DYNC2H1: variants seen among roughly 807,000 people sequenced by gnomAD.
The protein encoded by DYNC2H1 is dynein cytoplasmic 2 heavy chain 1, also known as cytoplasmic dynein 2 heavy chain 1.
A neutral mutation model predicts 570.0 loss-of-function variants in DYNC2H1; 410 were observed. That is an observed-to-expected ratio of 0.72 (90% confidence interval 0.66 to 0.78). The LOEUF (loss-of-function observed/expected upper bound fraction) is 0.78, where lower values mean the gene tolerates loss of function less well. Ranked by LOEUF, DYNC2H1 falls within the 30% of genes least tolerant of loss-of-function variation. The probability of loss-of-function intolerance (pLI) is 0.00; values close to 1 mark genes in which losing one functional copy is unlikely to be tolerated. For missense variants in DYNC2H1, 4,865 were observed against 5,046.4 expected (o/e 0.96, Z 1.09); for synonymous variants, 1,688 against 1,677.6 (o/e 1.01, Z -0.15).
chr11:103,290,792 C>T lies in DYNC2H1; in HGVS notation c.11095+3187C>T, dbSNP rs972185352. ...TTTCTGCATGTGTGTTGTCCTTAGT[C>T]TCAAGGGTTCATAATATTCTGGTTG... On this transcript the variant is annotated intron_variant, in intron 75 of 88. Coordinates refer to ENST00000375735, the MANE Select transcript of DYNC2H1 (RefSeq NM_001377.3). Among the ~76,000 whole-genome samples the T allele has an allele frequency of 2.0e-5, 3 of 152,194 alleles. No homozygotes were observed. The East Asian group carries it at 5.8e-4, about 29-fold the overall frequency.
chr11:103,111,931 G>A (rs1858134789), intron 1 of DYNC2H1, among the ~76,000 whole-genome samples: 1 of 152,164 alleles, frequency 6.6e-6, no homozygotes, highest in Non-Finnish European at 1.5e-5. Context: ...TCTTAAAGGA[G>A]TAACATTGGA....
At chr11:103,389,010 G>A (rs1042244474) in intron 83 of DYNC2H1, among the ~76,000 whole-genome samples, 7 of 152,166 alleles carry the variant, frequency 4.6e-5, no homozygotes, top group African/African-American at 1.7e-4. Flanking sequence ...GATGATGCTG[G>A]CCTCTTAAAA....
intron 80 of DYNC2H1, among the ~76,000 whole-genome samples, chr11:103,318,153 A>G (rs1937965561): frequency 1.3e-5 from 2 of 152,174 alleles, no homozygotes; most frequent in African/African-American, 4.8e-5. Context: ...TATTTAATGA[A>G]GTATATGGAC....
Position 103,324,701 on chromosome 11 carries a change from C to A in DYNC2H1, c.12039+711C>A, listed in dbSNP as rs1938380097. Among the ~76,000 whole-genome samples, 1 of 152,114 alleles carries A rather than the reference C, an allele frequency of 6.6e-6. No individual in the cohort carries two copies. The highest frequency in any genetic ancestry group is 1.5e-5 in the Non-Finnish European group (1 of 68,028). The stretch of plus-strand genomic sequence containing the variant: ...TGTGCATATGTCTTTATGGTAGAAC[C>A]ATTTATATTCCTTTGAGTATATACC... On this transcript the variant is annotated intron_variant, in intron 82 of 88. Transcript: ENST00000375735. This position sits in a 1 kb window ranked among gnomAD's most constrained non-coding sequence, Gnocchi z 5.2.
chr11:103,164,975 C>G (rs1591345138), intron 30 of DYNC2H1, among the ~76,000 whole-genome samples: 1 of 152,116 alleles, frequency 6.6e-6, no homozygotes, highest in Non-Finnish European at 1.5e-5. Context: ...TTCTCAAAAG[C>G]AGATTTGGTT....
chr11:103,428,888 T>C (rs1943781616), intron 84 of DYNC2H1, among the ~76,000 whole-genome samples: 1 of 152,182 alleles, frequency 6.6e-6, no homozygotes, highest in Non-Finnish European at 1.5e-5. Flanking sequence ...CATCCATTGA[T>C]GGATGTGGGT....
intron 67 of DYNC2H1, among the ~76,000 whole-genome samples, chr11:103,255,895 T>C (rs1454799451): frequency 1.3e-5 from 2 of 152,092 alleles, no homozygotes; most frequent in African/African-American, 4.8e-5. Context: ...GATAATGATA[T>C]AATTTCTTAA....
Position 103,228,430 on chromosome 11 carries a change from A to T in DYNC2H1, c.9354-2830A>T, listed in dbSNP as rs1453753436. The stretch of plus-strand genomic sequence containing the variant: ...TCCCCTAGGAATGGGTAGTTCTGAG[A>T]TCTGAACTGTAGTGATTGTTTTTGC... On this transcript the variant is annotated intron_variant, in intron 59 of 88. Transcript: ENST00000375735. This position sits in a 1 kb window ranked among gnomAD's most constrained non-coding sequence, Gnocchi z 6.1. Among the ~76,000 whole-genome samples the T allele has an allele frequency of 6.6e-6, 1 of 151,908 alleles. No homozygotes were observed. The highest frequency in any genetic ancestry group is 1.5e-5 in the Non-Finnish European group (1 of 67,992).
chr11:103,225,270 T>C (rs558805133), intron 59 of DYNC2H1, among the ~76,000 whole-genome samples: 1 of 152,170 alleles, frequency 6.6e-6, no homozygotes, highest in Admixed American at 6.5e-5. Context: ...GTCCCGTCTG[T>C]TTATCTTTGT....
rs1863611772 is a variant in DYNC2H1 at position 103,222,144 on chromosome 11, T to G, written c.9222T>G (p.Phe3074Leu). ...EELLFKNKGS[F>L]DPKNAKRAST... is the part of the protein sequence containing the mutation. Reference sequence around the variant, plus strand: ...TTCTTTTTAAAAATAAAGGCTCTTTTGATCCAAAGGTAATTTTTAAGTTAT... The same window carrying G: ...TTCTTTTTAAAAATAAAGGCTCTTTGGATCCAAAGGTAATTTTTAAGTTAT... The change falls in exon 58 of 89, where the codon TTT becomes TTG. Residue 3074 changes from phenylalanine to leucine, a missense_variant. By Grantham distance (22) the Phe-to-Leu change is conservative. Coordinates refer to ENST00000375735, the MANE Select transcript of DYNC2H1 (RefSeq NM_001377.3). The G allele has an allele frequency of 6.4e-7, 1 of 1,554,548 alleles. No homozygotes were observed. The highest frequency in any genetic ancestry group is 1.2e-5 in the South Asian group (1 of 82,978).
intron 83 of DYNC2H1, among the ~76,000 whole-genome samples, chr11:103,379,613 A>T (rs1224978971): frequency 6.6e-6 from 1 of 152,082 alleles, no homozygotes; most frequent in East Asian, 1.9e-4. Context: ...TATAACATTT[A>T]TTTTTCTAAG....
In DYNC2H1 at chr11:103,227,476, A is replaced by G. The variant is rs142502428; in HGVS notation, c.9354-3784A>G. Reference sequence around the variant, plus strand: ...CAGGAGCAGGTTATTTAATTTCCACATATTTGCATCGTTTTGAAGGTCCCT... The same window carrying G: ...CAGGAGCAGGTTATTTAATTTCCACGTATTTGCATCGTTTTGAAGGTCCCT... On this transcript the variant is annotated intron_variant, in intron 59 of 88. Transcript: ENST00000375735. Among the ~76,000 whole-genome samples, 193 of 152,170 alleles carry G rather than the reference A, an allele frequency of 1.3e-3. 2 individuals are homozygous for G. The highest frequency in any genetic ancestry group is 4.4e-3 in the African/African-American group (183 of 41,538).
intron 83 of DYNC2H1, among the ~76,000 whole-genome samples, chr11:103,371,368 G>A (rs1007384947): frequency 6.6e-6 from 1 of 152,146 alleles, no homozygotes; most frequent in Non-Finnish European, 1.5e-5. Flanking sequence ...TAGAGAAAGA[G>A]ATAGAGGTAG....
At chr11:103,447,106 A>G (rs560300189) in intron 85 of DYNC2H1, among the ~76,000 whole-genome samples, 2 of 152,252 alleles carry the variant, frequency 1.3e-5, no homozygotes, top group African/African-American at 4.8e-5. Flanking sequence ...ATGAAATTGT[A>G]TTACCTGAGA....
At chr11:103,476,372 T>C (rs11225826) in intron 88 of DYNC2H1, among the ~76,000 whole-genome samples, 61,421 of 152,064 alleles carry the variant, frequency 0.4, 13,799 homozygotes, top group Non-Finnish European at 0.52. Flanking sequence ...CCAAAACTTA[T>C]ATTCTAGATA....
rs376307935 is a variant in DYNC2H1 at position 103,170,912 on chromosome 11, A to G, written c.5178A>G (p.Arg1726=). Residue 1726 remains arginine (R), a synonymous_variant, in exon 34 of 89, where the codon CGA becomes CGG. Transcript: ENST00000375735. The surrounding 1 kb of genome is among the most constrained non-coding windows in gnomAD (Gnocchi z 4.8). ...DEGIDVKSMG[R]IFVGLVKCGA... Reference sequence around the variant, plus strand: ...GCATCGATGTGAAGTCAATGGGACGAATATTTGTTGGTTTGGTGAAGTGTG... The same window carrying G: ...GCATCGATGTGAAGTCAATGGGACGGATATTTGTTGGTTTGGTGAAGTGTG... 3.8e-6 allele frequency: 6 copies of G among 1,577,868 alleles called. No individual in the cohort carries two copies. Among genetic ancestry groups the G allele is most frequent in the Non-Finnish European group, 4.3e-6 (5 of 1,157,510 alleles).
intron 63 of DYNC2H1, among the ~76,000 whole-genome samples, chr11:103,242,592 A>C (rs1466335713): frequency 6.6e-6 from 1 of 152,224 alleles, no homozygotes. Context: ...ATCAGTTTAA[A>C]TTTTAGTAGG....
chr11:103,463,595 C>CA (rs1945094432), intron 87 of DYNC2H1, among the ~76,000 whole-genome samples: 1 of 151,924 alleles, frequency 6.6e-6, no homozygotes, highest in Non-Finnish European at 1.5e-5. Flanking sequence ...ACTACAAATA[C>CA]AAAAAATTAG....
chr11:103,305,656 G>A lies in DYNC2H1; in HGVS notation c.11382+936G>A, dbSNP rs576846585. 6.6e-6 allele frequency among the ~76,000 whole-genome samples: 1 copy of A among 152,178 alleles called. No homozygotes were observed. Among genetic ancestry groups the A allele is most frequent in the African/African-American group, 2.4e-5 (1 of 41,512 alleles). On this transcript the variant is annotated intron_variant, in intron 77 of 88. Coordinates refer to ENST00000375735, the MANE Select transcript of DYNC2H1 (RefSeq NM_001377.3). This position sits in a 1 kb window ranked among gnomAD's most constrained non-coding sequence, Gnocchi z 4.3. Reference sequence around the variant, plus strand: ...TTGAGGGAGGTCCTGCCCTAGGTGTGAGGTATTAAAAATCTCTGCAGTCCT... The same window carrying A: ...TTGAGGGAGGTCCTGCCCTAGGTGTAAGGTATTAAAAATCTCTGCAGTCCT...
Sources: gnomAD v4.1 joint callset for allele counts (sites outside exome capture counted in the v4.1 genomes callset) on GRCh38, gnomAD v4.1.1 for gene constraint, Gnocchi (gnomAD v3.1) non-coding constraint, MANE v1.5 for transcripts, NCBI Gene and HGNC (gene_info 2026-07-23, HGNC 2026-07-21) for gene names.